ZNF462: variants seen among roughly 807,000 people sequenced by gnomAD.
The protein encoded by ZNF462 is zinc finger PBX1-interacting protein.
In ZNF462, 10 loss-of-function variants were observed where a neutral mutation model predicts 201.9. The observed-to-expected ratio is 0.05, with a 90% confidence interval of 0.03 to 0.08. The LOEUF (loss-of-function observed/expected upper bound fraction) is 0.08, where lower values mean the gene tolerates loss of function less well. Ranked by LOEUF, ZNF462 falls within the 10% of genes least tolerant of loss-of-function variation. ZNF462 has a pLI of 1.00. For synonymous variants in ZNF462, 1,227 were observed against 1,193.3 expected, an observed-to-expected ratio of 1.03 and a Z score of -0.58; for missense variants, 2,523 against 3,168.3, an observed-to-expected ratio of 0.80 and a Z score of 4.89.
intron 7 of ZNF462, among the ~76,000 whole-genome samples, chr9:106,948,287 A>G (rs1304722541): frequency 6.6e-6 from 1 of 152,272 alleles, no homozygotes; most frequent in Non-Finnish European, 1.5e-5. Context: ...AGGACTTTGG[A>G]TTTATTAAGA....
chr9:106,928,342 C>G lies in ZNF462; in HGVS notation c.4430C>G (p.Ser1477Cys). The G allele has an allele frequency of 6.2e-7, 1 of 1,614,194 alleles. No individual in the cohort carries two copies. The highest frequency in any genetic ancestry group is 8.5e-7 in the Non-Finnish European group (1 of 1,180,038). ...STPYQCTVCQ[S>C]EYNNLHGLLT... ...CCATACCAGTGCACGGTATGCCAAT[C>G]TGAGTATAACAACTTGCACGGCCTT... is the stretch of plus-strand genomic sequence containing the variant. The change falls in exon 3 of 13, where the codon TCT becomes TGT. Residue 1477 changes from serine (S) to cysteine (C), a missense_variant. Coordinates refer to ENST00000277225, the MANE Select transcript of ZNF462 (RefSeq NM_021224.6). This position sits in a 1 kb window ranked among gnomAD's most constrained non-coding sequence, Gnocchi z 9.3.
chr9:106,925,331 C>T lies in ZNF462; in HGVS notation c.1419C>T (p.Asp473=), dbSNP rs148789863. 1.9e-5 allele frequency: 30 copies of T among 1,614,186 alleles called. No homozygotes were observed. Among genetic ancestry groups the T allele is most frequent in the African/African-American group, 1.5e-4 (11 of 75,034 alleles). The part of the protein sequence containing the change: ...LSGKTAVYKC[D]ECPFTCKSSL... The stretch of plus-strand genomic sequence containing the variant: ...GAAAGACAGCTGTCTACAAATGTGA[C>T]GAATGTCCGTTTACTTGCAAGAGCT... Residue 473 remains aspartate (D), a synonymous_variant, in exon 3 of 13, where the codon GAC becomes GAT. Coordinates refer to ENST00000277225, the MANE Select transcript of ZNF462 (RefSeq NM_021224.6). This position sits in a 1 kb window ranked among gnomAD's most constrained non-coding sequence, Gnocchi z 7.9.
intron 7 of ZNF462, among the ~76,000 whole-genome samples, chr9:106,967,746 A>T (rs533701998): frequency 6.6e-6 from 1 of 152,180 alleles, no homozygotes; most frequent in Non-Finnish European, 1.5e-5. Context: ...TGACATTTAG[A>T]CAGATAGGTT....
intron 1 of ZNF462, among the ~76,000 whole-genome samples, chr9:106,910,379 T>TTTG (rs1258012487): frequency 6.7e-6 from 1 of 149,804 alleles, no homozygotes; most frequent in African/African-American, 2.4e-5. Context: ...TTTTTTTTTT[T>TTTG]TTTTTTTAAT....
intron 1 of ZNF462, among the ~76,000 whole-genome samples, chr9:106,911,715 G>A (rs1829557305): frequency 6.6e-6 from 1 of 152,132 alleles, no homozygotes; most frequent in Admixed American, 6.6e-5. Context: ...ACATCTTCCT[G>A]ATTTTCTAAG....
chr9:106,905,331 G>A lies in ZNF462; in HGVS notation c.-30-18023G>A, dbSNP rs568784488. On this transcript the variant is annotated intron_variant, in intron 1 of 12. Coordinates refer to ENST00000277225, the MANE Select transcript of ZNF462 (RefSeq NM_021224.6). The surrounding 1 kb of genome is among the most constrained non-coding windows in gnomAD (Gnocchi z 5.9). The stretch of plus-strand genomic sequence containing the variant: ...CACCTGTTCTGGTGGAGGTGGCAGA[G>A]TGTGCAATGGACTCTCTGAGGGTCC... 2.6e-5 allele frequency among the ~76,000 whole-genome samples: 4 copies of A among 152,320 alleles called. No individual in the cohort carries two copies. In the South Asian group the frequency reaches 8.3e-4, roughly 32 times the overall value.
At chr9:106,999,221 A>C (rs1435969334) in intron 10 of ZNF462, among the ~76,000 whole-genome samples, 1 of 152,130 alleles carries the variant, frequency 6.6e-6, no homozygotes, top group Non-Finnish European at 1.5e-5. Context: ...TAGAGGAAAC[A>C]AGTGTGTTTC....
At chr9:106,952,851 G>A (rs1564128846) in intron 7 of ZNF462, among the ~76,000 whole-genome samples, 1 of 152,156 alleles carries the variant, frequency 6.6e-6, no homozygotes, top group African/African-American at 2.4e-5. Context: ...TGTTTAGGAA[G>A]GAGGAAAATA....
Position 106,877,354 on chromosome 9 carries a change from G to A in ZNF462, c.-31+13999G>A, listed in dbSNP as rs890898877. Among the ~76,000 whole-genome samples the A allele has an allele frequency of 1.3e-4, 15 of 115,512 alleles. No individual in the cohort carries two copies. The East Asian group carries it at 2.2e-3, about 17-fold the overall frequency. 75.8% of individuals were successfully genotyped at this position (115,512 alleles called of 152,430 possible). ...GGGAAATTTCCAGAGAAATAAATATGTCATTGGAATGTTGTTGTTATTATT... is the reference window on the plus strand; with the variant it reads ...GGGAAATTTCCAGAGAAATAAATATATCATTGGAATGTTGTTGTTATTATT... On this transcript the variant is annotated intron_variant, in intron 1 of 12. Transcript: ENST00000277225.
upstream of ZNF462, among the ~76,000 whole-genome samples, chr9:106,862,463 C>T (rs1371368691): frequency 6.6e-6 from 1 of 152,082 alleles, no homozygotes; most frequent in Admixed American, 6.5e-5. The surrounding 1 kb of genome is among the most constrained non-coding windows in gnomAD (Gnocchi z 4.2). Context: ...CTCGGCCCGG[C>T]GGCCGCGCTC....
At chr9:106,910,364 T>G (rs1829493901) in intron 1 of ZNF462, among the ~76,000 whole-genome samples, 1 of 123,762 alleles carries the variant, frequency 8.1e-6, no homozygotes, top group Non-Finnish European at 1.7e-5. Context: ...TTGTTTTAGT[T>G]TTTTTTTTTT....
intron 7 of ZNF462, among the ~76,000 whole-genome samples, chr9:106,949,597 C>T (rs12351612): frequency 6.6e-6 from 1 of 152,076 alleles, no homozygotes; most frequent in Non-Finnish European, 1.5e-5. Flanking sequence ...CAAGCAGCCA[C>T]GGAGACAAGT....
chr9:106,974,205 G>A lies in ZNF462; in HGVS notation c.6764G>A (p.Arg2255His). 6.2e-7 allele frequency: 1 copy of A among 1,614,084 alleles called. No homozygotes were observed. Among genetic ancestry groups the A allele is most frequent in the South Asian group, 1.1e-5 (1 of 91,082 alleles). The change falls in exon 9 of 13, where the codon CGC becomes CAC. Residue 2255 changes from arginine to histidine, a missense_variant. By Grantham distance (29) the Arg-to-His change is conservative (BLOSUM62 0). Transcript: ENST00000277225. The surrounding 1 kb of genome is among the most constrained non-coding windows in gnomAD (Gnocchi z 4.0). ...AVPEEGPKDL[R>H]CPLCLYHTKY... ...CCCGAGGAGGGCCCCAAAGATCTTC[G>A]CTGTCCTCTCTGCCTCTATCACACC... is the stretch of plus-strand genomic sequence containing the variant.
intron 10 of ZNF462, among the ~76,000 whole-genome samples, chr9:106,999,162 C>G (rs1204498470): frequency 6.6e-6 from 1 of 152,070 alleles, no homozygotes; most frequent in Non-Finnish European, 1.5e-5. Flanking sequence ...GCTCCTTCTC[C>G]CTTTGTTGTG....
intron 1 of ZNF462, among the ~76,000 whole-genome samples, chr9:106,909,026 G>C (rs1296847739): frequency 8.0e-6 from 1 of 124,278 alleles, no homozygotes; most frequent in African/African-American, 3.1e-5. Context: ...GCAGTGACAT[G>C]ATCTCGGCTC....
chr9:106,942,027 T>A (rs902353361), intron 7 of ZNF462, among the ~76,000 whole-genome samples: 3 of 152,156 alleles, frequency 2.0e-5, no homozygotes, highest in African/African-American at 7.2e-5. Context: ...AGTTAAGGTT[T>A]CCCACACTGC....
chr9:106,864,088 CTCTCTCTCTCTCTCTCT>C (rs1827202359), intron 1 of ZNF462, among the ~76,000 whole-genome samples: 2 of 134,384 alleles, frequency 1.5e-5, no homozygotes, highest in African/African-American at 2.8e-5. Context: ...CTCTCTCTCT[CTCTCTCTCTCTCTCTCT>C]CTCTCCCTCT....
rs765741024 is a variant in ZNF462 at position 106,924,946 on chromosome 9, A to G, written c.1034A>G (p.Gln345Arg). 3.1e-6 allele frequency: 5 copies of G among 1,614,222 alleles called. No homozygotes were observed. Among genetic ancestry groups the G allele is most frequent in the Non-Finnish European group, 4.2e-6 (5 of 1,180,048 alleles). ...ASKFSPMSYPQMKPKSPHNSG... is the reference protein window; with the variant it reads ...ASKFSPMSYPRMKPKSPHNSG... The stretch of plus-strand genomic sequence containing the variant: ...AAGTTTTCGCCCATGTCTTACCCTC[A>G]GATGAAGCCGAAGTCACCTCACAAT... The change falls in exon 3 of 13, where the codon CAG becomes CGG. Residue 345 changes from glutamine to arginine, a missense_variant. Physicochemically the swap from Gln to Arg is conservative, Grantham distance 43. Transcript: ENST00000277225. This position sits in a 1 kb window ranked among gnomAD's most constrained non-coding sequence, Gnocchi z 6.2.
intron 1 of ZNF462, among the ~76,000 whole-genome samples, chr9:106,888,076 C>G (rs1828402204): frequency 6.7e-6 from 1 of 149,584 alleles, no homozygotes; most frequent in African/African-American, 2.5e-5. Flanking sequence ...GAGTCTCCCT[C>G]TGTCGCTCAG....
Sources: allele counts gnomAD v4.1 joint callset (sites outside exome capture counted in the v4.1 genomes callset), GRCh38; gene constraint gnomAD v4.1.1; non-coding constraint Gnocchi (gnomAD v3.1); transcripts MANE v1.5; gene names NCBI Gene and HGNC (gene_info 2026-07-23, HGNC 2026-07-21).